Variants in FBXL17 observed in about 807,000 individuals in gnomAD.
FBXL17 encodes the protein F-box and leucine rich repeat protein 17, also known as F-box/LRR-repeat protein 17.
In FBXL17, 22 loss-of-function variants were observed where a neutral mutation model predicts 66.2. The ratio of observed to expected loss-of-function variants is 0.33; its 90% CI spans 0.24 to 0.47. The LOEUF (loss-of-function observed/expected upper bound fraction) is 0.47. Among genes scored for constraint, FBXL17 ranks in the 20% least tolerant of loss-of-function variants. The pLI is 1.00. For synonymous variants in FBXL17, 474 were observed against 400.5 expected, an observed-to-expected ratio of 1.18 and a Z score of -2.19; for missense variants, 878 against 948.2, an observed-to-expected ratio of 0.93 and a Z score of 0.97.
chr5:108,098,815 T>C (rs1005144200), intron 6 of FBXL17, among the ~76,000 whole-genome samples: 2 of 149,606 alleles, frequency 1.3e-5, no homozygotes, highest in Non-Finnish European at 3.0e-5. Flanking sequence ...AAAAAATATA[T>C]ACTTTAAACG....
intron 4 of FBXL17, among the ~76,000 whole-genome samples, chr5:108,280,604 GA>G (rs560063194): frequency 6.8e-6 from 1 of 146,476 alleles, no homozygotes; most frequent in African/African-American, 2.5e-5. Flanking sequence ...AACAAATACA[GA>G]AAAAAAAACA....
chr5:108,175,293 A>G (rs1752757273), intron 6 of FBXL17, among the ~76,000 whole-genome samples: 1 of 152,180 alleles, frequency 6.6e-6, no homozygotes, highest in Admixed American at 6.6e-5. Context: ...TCACAAGGAG[A>G]AAGACTCATA....
rs770163016 is a variant in FBXL17, at chr5:107,861,686, G to C, written c.*34C>G. 3 of 1,525,588 alleles carry C rather than the reference G, an allele frequency of 2.0e-6. No homozygotes were observed. The highest frequency in any genetic ancestry group is 2.7e-6 in the Non-Finnish European group (3 of 1,131,662). The allele number at this position is 1,525,588 out of a possible 1,614,324, so 94.5% of individuals were successfully genotyped here. ...ATGTACAATTCTCCTCTGCTCTGCT[G>C]AATGATCCCAGTGGACTAGGCGAGG... On this transcript the variant is annotated 3_prime_UTR_variant, in exon 9 of 9. Coordinates refer to ENST00000542267, the MANE Select transcript of FBXL17 (RefSeq NM_001163315.3).
At chr5:108,045,105 T>G (rs1747202396) in intron 6 of FBXL17, among the ~76,000 whole-genome samples, 1 of 152,142 alleles carries the variant, frequency 6.6e-6, no homozygotes, top group African/African-American at 2.4e-5. Flanking sequence ...TTGACTTTGT[T>G]GTTTACTGTT....
intron 6 of FBXL17, among the ~76,000 whole-genome samples, chr5:108,065,717 A>G (rs1265571625): frequency 6.6e-6 from 1 of 152,174 alleles, no homozygotes; most frequent in Non-Finnish European, 1.5e-5. Context: ...AACATGAAAG[A>G]AAACGTTTTG....
rs77599279 is a variant in FBXL17 at position 107,882,107 on chromosome 5, T to C, written c.1823-928A>G. Among the ~76,000 whole-genome samples, 788 of 152,232 alleles carry C rather than the reference T, an allele frequency of 5.2e-3. 6 individuals are homozygous for C. Among genetic ancestry groups the C allele is most frequent in the African/African-American group, 0.018 (763 of 41,540 alleles). ...CCAGCACCAGTTTATGGTGCACTGG[T>C]TTGTGAATCAAAACCCTGAAAACAG... On this transcript the variant is annotated intron_variant, in intron 7 of 8. Coordinates refer to ENST00000542267, the MANE Select transcript of FBXL17 (RefSeq NM_001163315.3).
chr5:108,152,379 T>C (rs1329194826), intron 6 of FBXL17, among the ~76,000 whole-genome samples: 1 of 152,192 alleles, frequency 6.6e-6, no homozygotes, highest in Non-Finnish European at 1.5e-5. Context: ...AGGTCGGGCA[T>C]TGTGGATCTT....
At chr5:107,985,624 C>G (rs1752985892) in intron 7 of FBXL17, among the ~76,000 whole-genome samples, 1 of 152,124 alleles carries the variant, frequency 6.6e-6, no homozygotes, top group South Asian at 2.1e-4. Flanking sequence ...CTTATCAGGT[C>G]ATCTATATCC....
At chr5:108,246,195 C>T (rs1018295707) in intron 4 of FBXL17, among the ~76,000 whole-genome samples, 2 of 152,252 alleles carry the variant, frequency 1.3e-5, no homozygotes, top group Non-Finnish European at 2.9e-5. Context: ...AAAAGATACA[C>T]ATTAGAAACT....
At chr5:108,377,477 G>A (rs1479910030) in intron 1 of FBXL17, among the ~76,000 whole-genome samples, 1 of 152,244 alleles carries the variant, frequency 6.6e-6, no homozygotes, top group African/African-American at 2.4e-5. Context: ...TGACAGCGAA[G>A]CTGCTGGTTT....
At chr5:107,892,680 A>G (rs909986587) in intron 7 of FBXL17, among the ~76,000 whole-genome samples, 1 of 151,942 alleles carries the variant, frequency 6.6e-6, no homozygotes, top group Non-Finnish European at 1.5e-5. Context: ...AATTATGTGG[A>G]AAAAAAAGCA....
chr5:108,381,586 G>A lies in FBXL17; in HGVS notation c.106C>T (p.Arg36Trp). 2.1e-6 allele frequency: 3 copies of A among 1,457,038 alleles called. No homozygotes were observed. Among genetic ancestry groups the A allele is most frequent in the East Asian group, 5.8e-5 (2 of 34,294 alleles). 90.3% of individuals were successfully genotyped at this position (1,457,038 alleles called of 1,614,324 possible). A position where few individuals can be genotyped will look rare whatever the true frequency, so the allele number is the denominator to read the frequency against. ...TGAGGGGGCACCTTGGCTGGGGTCC[G>A]GCGGGGCAGCCTGAGGAGAGGGCGC... Reference protein sequence around the residue: ...RRRPLLRLPRRTPAKVPPQPA... With the variant: ...RRRPLLRLPRWTPAKVPPQPA... The change falls in exon 1 of 9, where the codon CGG becomes TGG. Residue 36 changes from arginine to tryptophan, a missense_variant. This residue lies in a region of FBXL17 where 605 missense variants were observed against 509.5 expected (regional missense o/e 1.19). Coordinates refer to ENST00000542267, the MANE Select transcript of FBXL17 (RefSeq NM_001163315.3).
chr5:107,979,904 G>T (rs1250084999), intron 7 of FBXL17, among the ~76,000 whole-genome samples: 1 of 152,034 alleles, frequency 6.6e-6, no homozygotes, highest in Non-Finnish European at 1.5e-5. Flanking sequence ...AAAAGGAAAA[G>T]AGATTTAAGA....
chr5:108,356,654 C>A (rs1031361409), intron 3 of FBXL17, among the ~76,000 whole-genome samples: 2 of 151,770 alleles, frequency 1.3e-5, no homozygotes, highest in Non-Finnish European at 1.5e-5. Flanking sequence ...TCAGGGGTTG[C>A]CAGGAGTTAG....
intron 6 of FBXL17, among the ~76,000 whole-genome samples, chr5:108,158,202 A>G (rs986779943): frequency 7.9e-5 from 12 of 152,150 alleles, no homozygotes; most frequent in Non-Finnish European, 1.3e-4. Context: ...TAAGTTCAGA[A>G]AGATGATCAA....
chr5:108,336,914 T>C (rs1760410116), intron 4 of FBXL17, among the ~76,000 whole-genome samples: 1 of 152,176 alleles, frequency 6.6e-6, no homozygotes, highest in Admixed American at 6.5e-5. Flanking sequence ...TTAAAGTTAC[T>C]GACTTGTCTC....
intron 4 of FBXL17, among the ~76,000 whole-genome samples, chr5:108,315,666 T>C (rs1252624351): frequency 6.6e-6 from 1 of 151,198 alleles, no homozygotes; most frequent in Non-Finnish European, 1.5e-5. Context: ...GCATCAACCA[T>C]ATGCTTATTT....
At chr5:108,326,183 C>T (rs1045555845) in intron 4 of FBXL17, among the ~76,000 whole-genome samples, 3 of 151,956 alleles carry the variant, frequency 2.0e-5, no homozygotes, top group African/African-American at 4.8e-5. Flanking sequence ...TCTATTAAAA[C>T]GAAAAGATAC....
At chr5:108,176,217 T>A (rs1282266110) in intron 6 of FBXL17, among the ~76,000 whole-genome samples, 1 of 152,176 alleles carries the variant, frequency 6.6e-6, no homozygotes, top group East Asian at 1.9e-4. Context: ...CATCATCATA[T>A]AAAATGTATC....
Sources: allele counts gnomAD v4.1 joint callset (sites outside exome capture counted in the v4.1 genomes callset), GRCh38; gene constraint gnomAD v4.1.1; regional missense constraint gnomAD v4.1.1; transcripts MANE v1.5; gene names NCBI Gene and HGNC (gene_info 2026-07-23, HGNC 2026-07-21).